Variants in SMARCAD1 observed in about 807,000 individuals in gnomAD.
SMARCAD1 encodes the protein SNF2 related chromatin remodeling ATPase with DExD box 1.
SMARCAD1 carries 25 observed loss-of-function variants against 127.1 expected under a neutral mutation model. That is an observed-to-expected ratio of 0.20 (90% CI 0.14 to 0.27). SMARCAD1 has a LOEUF of 0.27. Among genes scored for constraint, SMARCAD1 ranks in the 10% least tolerant of loss-of-function variants. SMARCAD1 has a pLI of 1.00. For synonymous variants in SMARCAD1, 400 were observed against 396.9 expected (o/e 1.01, Z -0.09); for missense variants, 807 against 1,206.0 (o/e 0.67, Z 4.90).
chr4:94,212,149 A>G (rs1323273372), intron 2 of SMARCAD1, among the ~76,000 whole-genome samples: 4 of 152,076 alleles, frequency 2.6e-5, no homozygotes, highest in African/African-American at 7.2e-5. Flanking sequence ...GGGCATTATT[A>G]GTACTTTATA....
At chr4:94,267,526 CTTTGAAAATAA>C (rs1453480500) in intron 10 of SMARCAD1, among the ~76,000 whole-genome samples, 2 of 152,186 alleles carry the variant, frequency 1.3e-5, no homozygotes, top group African/African-American at 4.8e-5. Flanking sequence ...CCTTTCTCAC[CTTTGAAAATAA>C]TTTTGGAACT....
At chr4:94,287,594 A>G (rs1283283887) in intron 23 of SMARCAD1, among the ~76,000 whole-genome samples, 3 of 152,158 alleles carry the variant, frequency 2.0e-5, no homozygotes, top group African/African-American at 4.8e-5. Flanking sequence ...GCCCCATTCT[A>G]TACCTACTTA....
rs1755515522 is a variant in SMARCAD1, at chr4:94,290,243, C to T, written c.*709C>T. 2.2e-6 allele frequency: 1 copy of T among 454,400 alleles called. No individual in the cohort carries two copies. The highest frequency in any genetic ancestry group is 2.4e-5 in the Admixed American group (1 of 42,548). The allele number at this position is 454,400 out of a possible 1,614,324, so 28.1% of individuals were successfully genotyped here. On this transcript the variant is annotated 3_prime_UTR_variant, in exon 24 of 24. Transcript: ENST00000354268. Reference sequence around the variant, plus strand: ...ATTCCTTCTGTTCATTTTCCAACTGCACTAATTGTGCATATTACTCTGCCT... The same window carrying T: ...ATTCCTTCTGTTCATTTTCCAACTGTACTAATTGTGCATATTACTCTGCCT...
chr4:94,246,717 A>G (rs1224087942), intron 6 of SMARCAD1, among the ~76,000 whole-genome samples: 1 of 152,166 alleles, frequency 6.6e-6, no homozygotes, highest in African/African-American at 2.4e-5. Context: ...AGTCAACATG[A>G]TGTCAGTATA....
At chr4:94,244,863 C>T (rs1748179285) in intron 6 of SMARCAD1, among the ~76,000 whole-genome samples, 1 of 152,114 alleles carries the variant, frequency 6.6e-6, no homozygotes, top group South Asian at 2.1e-4. Context: ...CCTCCAAAAA[C>T]CACCTCTCTG....
intron 10 of SMARCAD1, among the ~76,000 whole-genome samples, chr4:94,268,634 C>G (rs1227829220): frequency 6.6e-6 from 1 of 152,080 alleles, no homozygotes; most frequent in Non-Finnish European, 1.5e-5. Flanking sequence ...GTGCTGAGCT[C>G]TGGATCACAC....
intron 6 of SMARCAD1, among the ~76,000 whole-genome samples, chr4:94,241,454 C>G (rs111438998): frequency 1.3e-5 from 2 of 152,162 alleles, no homozygotes; most frequent in Non-Finnish European, 2.9e-5. Context: ...AGGTCCCACT[C>G]TAATGACCTC....
intron 8 of SMARCAD1, 132 bp downstream of exon 8, chr4:94,250,965 A>G: frequency 1.5e-6 from 1 of 656,474 alleles, no homozygotes; most frequent in Non-Finnish European, 2.6e-6. Context: ...GTTGAAAGTA[A>G]TGATGTAAAA....
rs145464259 is a variant in SMARCAD1 at position 94,222,654 on chromosome 4, A to G, written c.191-3465A>G. Among the ~76,000 whole-genome samples, 19 of 152,248 alleles carry G rather than the reference A, an allele frequency of 1.2e-4. No individual in the cohort carries two copies. The East Asian group carries it at 3.5e-3, about 28-fold the overall frequency. ...TATTCTTCTGTTCTGTTAACTAAGCATATTAAAGGTTAATTTTAAAAATTG... is the reference window on the plus strand; with the variant it reads ...TATTCTTCTGTTCTGTTAACTAAGCGTATTAAAGGTTAATTTTAAAAATTG... On this transcript the variant is annotated intron_variant, in intron 2 of 23. Transcript: ENST00000354268.
chr4:94,211,272 C>T (rs1415827727), intron 2 of SMARCAD1, among the ~76,000 whole-genome samples: 2 of 151,992 alleles, frequency 1.3e-5, no homozygotes, highest in Admixed American at 1.3e-4. Flanking sequence ...AACTCCATGT[C>T]AAAATAAATA....
chr4:94,253,614 G>A, intron 9 of SMARCAD1: 2 of 1,030,340 alleles, frequency 1.9e-6, no homozygotes, highest in Non-Finnish European at 2.3e-6. Flanking sequence ...TGGAAAGATA[G>A]AAAAATTTCT....
At chr4:94,289,135 C>G (rs886694191) in intron 23 of SMARCAD1, among the ~76,000 whole-genome samples, 1 of 152,194 alleles carries the variant, frequency 6.6e-6, no homozygotes, top group East Asian at 1.9e-4. Flanking sequence ...TTTCCCTACT[C>G]CATTTCTTAC....
At chr4:94,280,167 C>T (rs1753826748) in intron 19 of SMARCAD1, among the ~76,000 whole-genome samples, 1 of 152,118 alleles carries the variant, frequency 6.6e-6, no homozygotes, top group South Asian at 2.1e-4. Context: ...ACCTGACCAA[C>T]CCATTTCTTT....
Position 94,208,363 on chromosome 4 carries a change from C to A in SMARCAD1, c.-32C>A. The A allele has an allele frequency of 1.2e-6, 2 of 1,610,370 alleles. No homozygotes were observed. Among genetic ancestry groups the A allele is most frequent in the South Asian group, 1.1e-5 (1 of 90,964 alleles). ...CCCTGCAGATAGTTCATTTAAAGCC[C>A]CCATCCCTGCAAGGTGGTGCTTTCT... On this transcript the variant is annotated 5_prime_UTR_variant, in exon 2 of 24. Transcript: ENST00000354268.
In SMARCAD1 at chr4:94,278,444, T is replaced by A. The variant is rs1371008351; in HGVS notation, c.2105T>A (p.Ile702Lys). The change falls in exon 17 of 24, where the codon ATA becomes AAA. Residue 702 changes from isoleucine to lysine, a missense_variant. Ile to Lys is a moderately radical substitution (Grantham distance 102, BLOSUM62 -3). This residue lies in a region of SMARCAD1 where 148 missense variants were observed against 313.2 expected (regional missense o/e 0.47). Coordinates refer to ENST00000354268, the MANE Select transcript of SMARCAD1 (RefSeq NM_020159.5). Reference protein sequence around the residue: ...SKTKSADEQSIYEKERIAHAK... With the variant: ...SKTKSADEQSKYEKERIAHAK... Reference sequence around the variant, plus strand: ...CAGAAATCAGCAGATGAGCAAAGCATATATGAAAAGGAGAGAATAGCACAT... The same window carrying A: ...CAGAAATCAGCAGATGAGCAAAGCAAATATGAAAAGGAGAGAATAGCACAT... 1 of 1,613,592 alleles carries A rather than the reference T, an allele frequency of 6.2e-7. No homozygotes were observed. The highest frequency in any genetic ancestry group is 1.3e-5 in the African/African-American group (1 of 74,916).
chr4:94,208,310 A>G (rs756080743), intron 1 of SMARCAD1, 36 bp from the exon 2 acceptor site: 7 of 1,411,850 alleles, frequency 5.0e-6, no homozygotes, highest in Non-Finnish European at 7.0e-6. Flanking sequence ...TATTGTTTTC[A>G]TGGCCTTTTT....
rs777920671 is a variant in SMARCAD1, at chr4:94,274,950, A to G, written c.1793A>G (p.Asn598Ser). 8 of 1,599,816 alleles carry G rather than the reference A, an allele frequency of 5.0e-6. No homozygotes were observed. The highest frequency in any genetic ancestry group is 1.1e-5 in the South Asian group (1 of 90,726). The change falls in exon 14 of 24, where the codon AAT becomes AGT. Residue 598 changes from asparagine (N) to serine (S), a missense_variant. Asn to Ser is a conservative substitution (Grantham distance 46). This residue lies in a region of SMARCAD1 where 148 missense variants were observed against 313.2 expected (regional missense o/e 0.47). Transcript: ENST00000354268. ...ATTCATAGTAGATATGAAGATTACA[A>G]TGTAATTGTGACCACGTAAGTATTG... Reference protein sequence around the residue: ...FNIHSRYEDYNVIVTTYNCAI... With the variant: ...FNIHSRYEDYSVIVTTYNCAI...
intron 3 of SMARCAD1, among the ~76,000 whole-genome samples, chr4:94,226,670 G>C (rs1745069984): frequency 6.6e-6 from 1 of 151,796 alleles, no homozygotes. Context: ...ATGTTTATTG[G>C]AAACAGTCTG....
At chr4:94,237,570 A>G (rs1022292449) in intron 5 of SMARCAD1, among the ~76,000 whole-genome samples, 7 of 151,930 alleles carry the variant, frequency 4.6e-5, no homozygotes, top group Admixed American at 3.9e-4. Context: ...GCAAACCCAC[A>G]CTTCATTAAC....
Sources: allele counts gnomAD v4.1 joint callset (sites outside exome capture counted in the v4.1 genomes callset), GRCh38; gene constraint gnomAD v4.1.1; regional missense constraint gnomAD v4.1.1; transcripts MANE v1.5; gene names NCBI Gene and HGNC (gene_info 2026-07-23, HGNC 2026-07-21).